STK3: variants seen among roughly 807,000 people sequenced by gnomAD.
STK3 encodes the protein serine/threonine kinase 3, also known as serine/threonine-protein kinase 3.
In STK3, 41 loss-of-function variants were observed where a neutral mutation model predicts 58.0. That is an observed-to-expected ratio of 0.71 (90% CI 0.55 to 0.92). STK3 has a LOEUF of 0.92. Ranked by LOEUF, STK3 falls within the 40% of genes least tolerant of loss-of-function variation. The pLI, the probability that STK3 is intolerant of heterozygous loss-of-function variation, is 0.00. For synonymous variants in STK3, 170 were observed against 191.0 expected, an observed-to-expected ratio of 0.89 and a Z score of 0.91; for missense variants, 479 against 602.7, an observed-to-expected ratio of 0.79 and a Z score of 2.15.
At chr8:98,849,031 C>T (rs1836327863) in intron 3 of STK3, among the ~76,000 whole-genome samples, 1 of 152,014 alleles carries the variant, frequency 6.6e-6, no homozygotes. Flanking sequence ...TCGAGACCAT[C>T]CTGGCTAACA....
intron 1 of STK3, among the ~76,000 whole-genome samples, chr8:98,913,580 T>C (rs1350337264): frequency 6.6e-6 from 1 of 152,260 alleles, no homozygotes; most frequent in Non-Finnish European, 1.5e-5. Flanking sequence ...GGTGTCCACA[T>C]GCACCTGAAT....
intron 2 of STK3, among the ~76,000 whole-genome samples, chr8:98,768,067 A>G (rs1831054122): frequency 6.6e-6 from 1 of 152,234 alleles, no homozygotes; most frequent in Non-Finnish European, 1.5e-5. Flanking sequence ...AAGCAAAAAC[A>G]AAGAAGGAAG....
At chr8:98,535,375 C>T (rs1586802918) in intron 9 of STK3, among the ~76,000 whole-genome samples, 1 of 151,886 alleles carries the variant, frequency 6.6e-6, no homozygotes, top group Non-Finnish European at 1.5e-5. Context: ...CCAGTGAAGA[C>T]AACAGCACTC....
chr8:98,623,631 A>T (rs1442533981), intron 6 of STK3, among the ~76,000 whole-genome samples: 5 of 152,122 alleles, frequency 3.3e-5, no homozygotes, highest in Non-Finnish European at 5.9e-5. Flanking sequence ...AAAATATACA[A>T]CAATTAGCCA....
At chr8:98,597,700 T>C in intron 6 of STK3, 1 of 985,394 alleles carries the variant, frequency 1.0e-6, no homozygotes, top group African/African-American at 1.7e-5. Context: ...CTATCTAGCC[T>C]GGCTCAATTA....
chr8:98,649,094 C>T (rs1248857064), intron 6 of STK3, among the ~76,000 whole-genome samples: 1 of 151,642 alleles, frequency 6.6e-6, no homozygotes, highest in Non-Finnish European at 1.5e-5. Flanking sequence ...CTTTAATCTG[C>T]ATATCCTAAA....
At chr8:98,486,546 C>G (rs1822279966) in intron 10 of STK3, among the ~76,000 whole-genome samples, 1 of 152,144 alleles carries the variant, frequency 6.6e-6, no homozygotes, top group Non-Finnish European at 1.5e-5. Flanking sequence ...ATCAAATCAC[C>G]AGGTCCTTCA....
chr8:98,377,731 T>A (rs1162829688), intron 2 of STK3, among the ~76,000 whole-genome samples: 1 of 151,982 alleles, frequency 6.6e-6, no homozygotes, highest in African/African-American at 2.4e-5. Flanking sequence ...TGCTTCTTGC[T>A]TTCTCAGGCT....
intron 9 of STK3, among the ~76,000 whole-genome samples, chr8:98,543,663 G>A (rs535143401): frequency 6.6e-6 from 1 of 152,206 alleles, no homozygotes; most frequent in African/African-American, 2.4e-5. Context: ...CTGTAAAGTA[G>A]GGAGCAACGT....
In STK3 at chr8:98,876,964, T is replaced by C. The variant is rs115857374; in HGVS notation, c.110+6683A>G. Among the ~76,000 whole-genome samples, 838 of 152,248 alleles carry C rather than the reference T, an allele frequency of 5.5e-3. 9 individuals carry two copies. The highest frequency in any genetic ancestry group is 0.019 in the African/African-American group (807 of 41,526). On this transcript the variant is annotated intron_variant, in intron 3 of 12. Transcript: ENST00000523601. ...CTCCTTGCAGAAAAGATAAAGAAAA[T>C]TTTGTTCCGCCCAGAACAAAAAGAT...
intron 8 of STK3, among the ~76,000 whole-genome samples, chr8:98,553,717 A>G (rs1811378112): frequency 6.6e-6 from 1 of 152,102 alleles, no homozygotes; most frequent in African/African-American, 2.4e-5. Context: ...TAATCTCGAC[A>G]CTTTGGGAGG....
chr8:98,592,894 G>C (rs1227199480), intron 7 of STK3, among the ~76,000 whole-genome samples: 1 of 152,036 alleles, frequency 6.6e-6, no homozygotes, highest in African/African-American at 2.4e-5. Flanking sequence ...CTCCCAAATA[G>C]CTGGGACTAC....
At chr8:98,539,770 C>A (rs758282055) in intron 9 of STK3, among the ~76,000 whole-genome samples, 2 of 151,186 alleles carry the variant, frequency 1.3e-5, no homozygotes, top group African/African-American at 4.8e-5. Context: ...TTTTGTTTTT[C>A]TGAGATAGAG....
chr8:98,909,504 C>G (rs947236490), intron 1 of STK3, among the ~76,000 whole-genome samples: 1 of 152,222 alleles, frequency 6.6e-6, no homozygotes, highest in Non-Finnish European at 1.5e-5. Flanking sequence ...ACTACCACCT[C>G]CTTATCTACC....
chr8:98,859,853 C>T (rs771280153), intron 3 of STK3, among the ~76,000 whole-genome samples: 11 of 152,164 alleles, frequency 7.2e-5, no homozygotes, highest in Non-Finnish European at 1.3e-4. Flanking sequence ...GAAGTTACAA[C>T]GTGAAAGGCA....
chr8:98,914,692 A>C (rs1172224651), intron 1 of STK3, among the ~76,000 whole-genome samples: 1 of 152,166 alleles, frequency 6.6e-6, no homozygotes, highest in Non-Finnish European at 1.5e-5. Flanking sequence ...GGGTCCTCAA[A>C]ACAGGATGGT....
chr8:98,835,768 A>G (rs1466393446), intron 3 of STK3, among the ~76,000 whole-genome samples: 1 of 152,194 alleles, frequency 6.6e-6, no homozygotes, highest in East Asian at 1.9e-4. Flanking sequence ...TGTCCTCTTC[A>G]ACAAGGTCTG....
intron 2 of STK3, among the ~76,000 whole-genome samples, chr8:98,378,592 T>A (rs868234702): frequency 5.3e-5 from 8 of 152,244 alleles, no homozygotes; most frequent in African/African-American, 1.9e-4. Context: ...GCACTTAACA[T>A]ACTGCCTGAT....
At chr8:98,599,229 G>C (rs16892241) in intron 6 of STK3, among the ~76,000 whole-genome samples, 2,798 of 152,212 alleles carry the variant, frequency 0.018, 108 homozygotes, top group African/African-American at 0.063. Context: ...AACAAATATA[G>C]CTGTTTCCTG....
Sources: allele counts gnomAD v4.1 joint callset (sites outside exome capture counted in the v4.1 genomes callset), GRCh38; gene constraint gnomAD v4.1.1; transcripts MANE v1.5; gene names NCBI Gene and HGNC (gene_info 2026-07-23, HGNC 2026-07-21).